CFAP210: variants seen among roughly 807,000 people sequenced by gnomAD.
The protein encoded by CFAP210 is cilia and flagella associated protein 210.
chr2:169,678,707 C>T, the CFAP210 span, among the ~76,000 whole-genome samples: 1 of 151,904 alleles, frequency 6.6e-6, no homozygotes, highest in Non-Finnish European at 1.5e-5. Flanking sequence ...GGCCTGTATT[C>T]CCAGCTACTC....
chr2:169,685,283 T>C, the CFAP210 span, among the ~76,000 whole-genome samples: 1 of 152,352 alleles, frequency 6.6e-6, no homozygotes, highest in East Asian at 1.9e-4. Flanking sequence ...TTACTGTCCC[T>C]TTATTTTTTC....
At chr2:169,692,467 C>CACAT in the CFAP210 span, among the ~76,000 whole-genome samples, 2 of 150,974 alleles carry the variant, frequency 1.3e-5, no homozygotes, top group Non-Finnish European at 2.9e-5. Context: ...CACACACACA[C>CACAT]ACACACACAC....
the CFAP210 span, among the ~76,000 whole-genome samples, chr2:169,670,163 C>CTA: frequency 1.3e-5 from 2 of 152,086 alleles, no homozygotes; most frequent in African/African-American, 4.8e-5. Context: ...GAAGCCTTAC[C>CTA]TATATATAGA....
the CFAP210 span, among the ~76,000 whole-genome samples, chr2:169,689,695 G>A: frequency 6.6e-6 from 1 of 152,224 alleles, no homozygotes; most frequent in South Asian, 2.1e-4. Flanking sequence ...CCTGATCAGG[G>A]TTTCAGTCTA....
chr2:169,649,577 T>C, the CFAP210 span, among the ~76,000 whole-genome samples: 2 of 152,118 alleles, frequency 1.3e-5, no homozygotes, highest in African/African-American at 4.8e-5. Context: ...CCTTATTGGC[T>C]TGAAAAAGAT....
At chr2:169,687,718 G>A in the CFAP210 span, among the ~76,000 whole-genome samples, 5 of 152,172 alleles carry the variant, frequency 3.3e-5, no homozygotes, top group East Asian at 9.6e-4. Flanking sequence ...GCTGTCAGTG[G>A]ATCCACCATG....
chr2:169,653,979 A>C, the CFAP210 span: 1 of 1,291,984 alleles, frequency 7.7e-7, no homozygotes, highest in East Asian at 2.5e-5. Flanking sequence ...GTCATATATA[A>C]AATAAGATCT....
the CFAP210 span, chr2:169,660,845 T>G: frequency 3.6e-6 from 1 of 281,574 alleles, no homozygotes; most frequent in Admixed American, 4.6e-5. Flanking sequence ...CAAAGAGATC[T>G]GCCTGCCTTA....
chr2:169,676,474 A>C, the CFAP210 span, among the ~76,000 whole-genome samples: 2 of 152,146 alleles, frequency 1.3e-5, no homozygotes, highest in Non-Finnish European at 2.9e-5. Flanking sequence ...TATAGTGTAG[A>C]GTTTACAAAT....
chr2:169,652,796 C>G, the CFAP210 span, among the ~76,000 whole-genome samples: 2 of 149,650 alleles, frequency 1.3e-5, no homozygotes, highest in Non-Finnish European at 3.0e-5. Flanking sequence ...GAGATCGAGA[C>G]CATCCTGGCT....
chr2:169,671,827 T>A, the CFAP210 span, among the ~76,000 whole-genome samples: 4 of 152,210 alleles, frequency 2.6e-5, no homozygotes, highest in Non-Finnish European at 4.4e-5. Flanking sequence ...ATGACTAGAA[T>A]AGTGCCTGGC....
At chr2:169,650,362 T>C in the CFAP210 span, 11 of 1,597,806 alleles carry the variant, frequency 6.9e-6, no homozygotes, top group African/African-American at 1.4e-5. Context: ...TTGTTTTTAA[T>C]TCTGCTTTGT....
the CFAP210 span, among the ~76,000 whole-genome samples, chr2:169,662,859 C>T: frequency 0.1 from 15,731 of 152,250 alleles, 976 homozygotes; most frequent in Middle Eastern, 0.19. Context: ...AGAAAGGTCT[C>T]CTTACTCAAC....
chr2:169,674,569 T>C, the CFAP210 span: 3 of 1,583,496 alleles, frequency 1.9e-6, no homozygotes, highest in Non-Finnish European at 2.6e-6. Flanking sequence ...ATTTTATGTA[T>C]ACATACTGTT....
chr2:169,680,868 A>G, the CFAP210 span: 1 of 669,052 alleles, frequency 1.5e-6, no homozygotes, highest in African/African-American at 1.8e-5. Context: ...TTATACCTAA[A>G]TAACACTGTT....
At chr2:169,660,179 G>C in the CFAP210 span, among the ~76,000 whole-genome samples, 1 of 151,988 alleles carries the variant, frequency 6.6e-6, no homozygotes, top group Non-Finnish European at 1.5e-5. Flanking sequence ...ACAAGGTCAG[G>C]AGTTCAAGAC....
chr2:169,676,820 C>A, the CFAP210 span, among the ~76,000 whole-genome samples: 1 of 152,106 alleles, frequency 6.6e-6, no homozygotes, highest in Non-Finnish European at 1.5e-5. Context: ...TGAGAACTCT[C>A]CAGACTGAGT....
At chr2:169,674,464 C>G in the CFAP210 span, 1 of 896,942 alleles carries the variant, frequency 1.1e-6, no homozygotes, top group African/African-American at 1.7e-5. Flanking sequence ...CCTTTTTGTA[C>G]TTTTTCTACT....
At chr2:169,676,679 G>T in the CFAP210 span, among the ~76,000 whole-genome samples, 3 of 151,972 alleles carry the variant, frequency 2.0e-5, no homozygotes, top group Non-Finnish European at 2.9e-5. Context: ...AGAAAAGAAA[G>T]AATTAATAAA....
Sources: allele counts gnomAD v4.1 joint callset (sites outside exome capture counted in the v4.1 genomes callset), GRCh38; gene constraint gnomAD v4.1.1; transcripts MANE v1.5; gene names NCBI Gene and HGNC (gene_info 2026-07-23, HGNC 2026-07-21).